ATXN10: variants seen among roughly 807,000 people sequenced by gnomAD.
The protein encoded by ATXN10 is ataxin-10.
In ATXN10, 28 loss-of-function variants were observed where a neutral mutation model predicts 52.9. The observed-to-expected ratio is 0.53, with a 90% CI of 0.39 to 0.73. The LOEUF (loss-of-function observed/expected upper bound fraction) is 0.73. ATXN10 is among the 30% of genes least tolerant of loss of function. The probability of loss-of-function intolerance (pLI) is 0.00; values close to 1 mark genes in which losing one functional copy is unlikely to be tolerated. For synonymous variants in ATXN10, 226 were observed against 221.5 expected (o/e 1.02, Z -0.18); for missense variants, 565 against 577.0 (o/e 0.98, Z 0.21).
At position 45,819,197 on chromosome 22, in the gene ATXN10, GAATAGAATAGAATA is replaced by G. The variant is rs1928567563; in HGVS notation, c.1237+12176_1237+12189del. Among the ~76,000 whole-genome samples, 1 of 11,982 alleles carries G rather than the reference GAATAGAATAGAATA, an allele frequency of 8.3e-5. No homozygotes were observed. Among genetic ancestry groups the G allele is most frequent in the Admixed American group, 1.1e-3 (1 of 928 alleles). 7.9% of individuals were successfully genotyped at this position (11,982 alleles called of 152,430 possible). A position where few individuals can be genotyped will look rare whatever the true frequency, so the allele number is the denominator to read the frequency against. Reference sequence around the variant, plus strand: ...AGTATGAAGAATAGAATAGAAAATAGAATAGAATAGAATAGAATAGAATAGAATAGAATAGAATA... The same window carrying G: ...AGTATGAAGAATAGAATAGAAAATAGGAATAGAATAGAATAGAATAGAATA... On this transcript the variant is annotated intron_variant, in intron 10 of 11. Coordinates refer to ENST00000252934, the MANE Select transcript of ATXN10 (RefSeq NM_013236.4). This position sits in a 1 kb window ranked among gnomAD's most constrained non-coding sequence, Gnocchi z 4.5.
rs1569085476 is a variant in ATXN10 at position 45,841,371 on chromosome 22, A to T, written c.1238-1620A>T. ...TATACCCACCAGTGGTTTTGATGCT[A>T]AACCTCCAAAGACCAGCAGGTCATT... On this transcript the variant is annotated intron_variant, in intron 10 of 11. Coordinates refer to ENST00000252934, the MANE Select transcript of ATXN10 (RefSeq NM_013236.4). The surrounding 1 kb of genome is among the most constrained non-coding windows in gnomAD (Gnocchi z 5.1). Among the ~76,000 whole-genome samples the T allele has an allele frequency of 6.6e-6, 1 of 152,352 alleles. No homozygotes were observed. Among genetic ancestry groups the T allele is most frequent in the Admixed American group, 6.5e-5 (1 of 15,310 alleles).
intron 5 of ATXN10, among the ~76,000 whole-genome samples, chr22:45,706,230 T>C (rs1924037327): frequency 6.6e-6 from 1 of 152,218 alleles, no homozygotes; most frequent in Non-Finnish European, 1.5e-5. Flanking sequence ...AATTTTTTTA[T>C]TTTTGTAAGA....
At chr22:45,746,033 G>A (rs1046294239) in intron 9 of ATXN10, among the ~76,000 whole-genome samples, 4 of 151,744 alleles carry the variant, frequency 2.6e-5, no homozygotes, top group East Asian at 1.9e-4. Context: ...ATTTGCCATC[G>A]TTTTATTTGA....
rs1353556897 is a variant in ATXN10 at position 45,823,948 on chromosome 22, G to T, written c.1237+16926G>T. On this transcript the variant is annotated intron_variant, in intron 10 of 11. Coordinates refer to ENST00000252934, the MANE Select transcript of ATXN10 (RefSeq NM_013236.4). This position sits in a 1 kb window ranked among gnomAD's most constrained non-coding sequence, Gnocchi z 4.9. The stretch of plus-strand genomic sequence containing the variant: ...CTTGTGACGTGCCCTTGCTGGGTCT[G>T]TCGCTTGTACTTTTTTGTGAGCTCC... 6.6e-6 allele frequency among the ~76,000 whole-genome samples: 1 copy of T among 152,208 alleles called. No individual in the cohort carries two copies. Among genetic ancestry groups the T allele is most frequent in the Non-Finnish European group, 1.5e-5 (1 of 68,042 alleles).
chr22:45,778,610 G>A (rs1246039397), intron 9 of ATXN10, among the ~76,000 whole-genome samples: 3 of 152,174 alleles, frequency 2.0e-5, no homozygotes, highest in African/African-American at 7.2e-5. Context: ...ATGATTAGAA[G>A]TAATTGGGCA....
rs1437161567 is a variant in ATXN10 at position 45,801,375 on chromosome 22, A to G, written c.1174-5584A>G. On this transcript the variant is annotated intron_variant, in intron 9 of 11. Transcript: ENST00000252934. Reference sequence around the variant, plus strand: ...CTCTAGAGAGTGTCTGCAATGCCCAAGCCACTTCTTTTTTACTTCTGCTTG... The same window carrying G: ...CTCTAGAGAGTGTCTGCAATGCCCAGGCCACTTCTTTTTTACTTCTGCTTG... Among the ~76,000 whole-genome samples, 6 of 152,220 alleles carry G rather than the reference A, an allele frequency of 3.9e-5. No individual in the cohort carries two copies. In the South Asian group the frequency reaches 8.3e-4, roughly 21 times the overall value.
chr22:45,787,217 C>A lies in ATXN10; in HGVS notation c.1174-19742C>A, dbSNP rs1156701036. Among the ~76,000 whole-genome samples, 2 of 152,174 alleles carry A rather than the reference C, an allele frequency of 1.3e-5. No homozygotes were observed. Among genetic ancestry groups the A allele is most frequent in the Non-Finnish European group, 1.5e-5 (1 of 68,030 alleles). On this transcript the variant is annotated intron_variant, in intron 9 of 11. Transcript: ENST00000252934. The surrounding 1 kb of genome is among the most constrained non-coding windows in gnomAD (Gnocchi z 4.2). ...CACAGAGAATTTTCATGGATAGGAT[C>A]TGTCCCCATCTCAGGGTTGGGGCTT...
At position 45,757,758 on chromosome 22, in the gene ATXN10, A is replaced by G. The variant is rs1275974603; in HGVS notation, c.1173+17220A>G. 6.6e-6 allele frequency among the ~76,000 whole-genome samples: 1 copy of G among 152,180 alleles called. No individual in the cohort carries two copies. Among genetic ancestry groups the G allele is most frequent in the African/African-American group, 2.4e-5 (1 of 41,450 alleles). ...ATTTATTAAAAATGTGATTAGAGTTATATTCATTCATGTTTGATTCTCTTT... is the reference window on the plus strand; with the variant it reads ...ATTTATTAAAAATGTGATTAGAGTTGTATTCATTCATGTTTGATTCTCTTT... On this transcript the variant is annotated intron_variant, in intron 9 of 11. Transcript: ENST00000252934. The surrounding 1 kb of genome is among the most constrained non-coding windows in gnomAD (Gnocchi z 4.6).
chr22:45,711,360 G>A (rs951786018), intron 5 of ATXN10, among the ~76,000 whole-genome samples: 9 of 152,128 alleles, frequency 5.9e-5, no homozygotes, highest in Non-Finnish European at 8.8e-5. Flanking sequence ...AGTGGTTGTC[G>A]GGGATTGAGG....
chr22:45,716,294 T>G (rs1190445878), intron 5 of ATXN10, among the ~76,000 whole-genome samples: 1 of 151,014 alleles, frequency 6.6e-6, no homozygotes, highest in African/African-American at 2.4e-5. Context: ...AAAGCGGCGC[T>G]TAGAGGAGAG....
chr22:45,747,083 C>T (rs1437156484), intron 9 of ATXN10, among the ~76,000 whole-genome samples: 6 of 152,110 alleles, frequency 3.9e-5, no homozygotes, highest in Admixed American at 6.6e-5. Context: ...TCATGAAACC[C>T]ATCTCCCAAG....
intron 1 of ATXN10, 194 bp from the exon 2 acceptor site, chr22:45,689,518 A>C (rs2086936506): frequency 1.6e-6 from 1 of 611,116 alleles, no homozygotes; most frequent in African/African-American, 1.8e-5. Flanking sequence ...ATGAGAAGTG[A>C]CAAGAACAGT....
At position 45,843,313 on chromosome 22, in the gene ATXN10, G is replaced by C. The variant is rs938326138; in HGVS notation, c.1425+135G>C. ...GTGCCCTCTATAGTGGTTTACCGAG[G>C]AAAGCCCTAAAGATAGCTGCAAACG... On this transcript the variant is annotated intron_variant, in intron 11 of 11. Transcript: ENST00000252934. This position sits in a 1 kb window ranked among gnomAD's most constrained non-coding sequence, Gnocchi z 4.5. 2.9e-6 allele frequency: 3 copies of C among 1,046,796 alleles called. No homozygotes were observed. The highest frequency in any genetic ancestry group is 4.3e-6 in the Non-Finnish European group (3 of 700,230). 64.8% of individuals were successfully genotyped at this position (1,046,796 alleles called of 1,614,324 possible). A position where few individuals can be genotyped will look rare whatever the true frequency, so the allele number is the denominator to read the frequency against.
rs1325094606 is a variant in ATXN10, at chr22:45,732,796, T to C, written c.894+3206T>C. Among the ~76,000 whole-genome samples the C allele has an allele frequency of 6.6e-6, 1 of 152,210 alleles. No individual in the cohort carries two copies. The highest frequency in any genetic ancestry group is 1.5e-5 in the Non-Finnish European group (1 of 68,032). On this transcript the variant is annotated intron_variant, in intron 7 of 11. Transcript: ENST00000252934. The surrounding 1 kb of genome is among the most constrained non-coding windows in gnomAD (Gnocchi z 4.5). The stretch of plus-strand genomic sequence containing the variant: ...ATGCTACAAATCAGGGTTTTCCACC[T>C]GCCTCTTCCACCCCAGCCATTCTTC...
At chr22:45,702,222 G>C (rs962514172) in intron 4 of ATXN10, among the ~76,000 whole-genome samples, 2 of 152,196 alleles carry the variant, frequency 1.3e-5, no homozygotes, top group Non-Finnish European at 2.9e-5. Context: ...CTGGCTGATA[G>C]CTAGAGGAGC....
intron 6 of ATXN10, among the ~76,000 whole-genome samples, 200 bp from the exon 7 acceptor site, chr22:45,729,225 A>G (rs1447128143): frequency 6.6e-6 from 1 of 152,244 alleles, no homozygotes; most frequent in Admixed American, 6.5e-5. Flanking sequence ...TGTGGCCAAG[A>G]CACATCAAAG....
rs1167556386 is a variant in ATXN10, at chr22:45,786,685, T to C, written c.1174-20274T>C. Among the ~76,000 whole-genome samples the C allele has an allele frequency of 6.6e-6, 1 of 152,244 alleles. No individual in the cohort carries two copies. Among genetic ancestry groups the C allele is most frequent in the Non-Finnish European group, 1.5e-5 (1 of 68,048 alleles). ...TCTTAATTTATAAAATGTAGGCAGC[T>C]GGAGGAATGCTCAGCCTTCCTTTAT... On this transcript the variant is annotated intron_variant, in intron 9 of 11. Coordinates refer to ENST00000252934, the MANE Select transcript of ATXN10 (RefSeq NM_013236.4). This position sits in a 1 kb window ranked among gnomAD's most constrained non-coding sequence, Gnocchi z 4.1.
At chr22:45,709,980 T>C (rs955068118) in intron 5 of ATXN10, among the ~76,000 whole-genome samples, 2 of 152,358 alleles carry the variant, frequency 1.3e-5, no homozygotes. Context: ...ACCTACTTCA[T>C]GCCTCCTCTG....
At chr22:45,836,993 C>G (rs1235378723) in intron 10 of ATXN10, among the ~76,000 whole-genome samples, 1 of 152,188 alleles carries the variant, frequency 6.6e-6, no homozygotes, top group African/African-American at 2.4e-5. Flanking sequence ...GTGCGCCCCT[C>G]CCTGCTCCAC....
Sources: gnomAD v4.1 joint callset for allele counts (sites outside exome capture counted in the v4.1 genomes callset) on GRCh38, gnomAD v4.1.1 for gene constraint, Gnocchi (gnomAD v3.1) non-coding constraint, MANE v1.5 for transcripts, NCBI Gene and HGNC (gene_info 2026-07-23, HGNC 2026-07-21) for gene names.